Variants in NOTCH2 observed in about 807,000 individuals in gnomAD.
NOTCH2 encodes neurogenic locus notch homolog protein 2.
Under a neutral mutation model 235.8 loss-of-function variants are expected in NOTCH2, and 29 were observed. That is an observed-to-expected ratio of 0.12 (90% CI 0.09 to 0.17). NOTCH2 has a LOEUF of 0.17. Among genes scored for constraint, NOTCH2 ranks in the 10% least tolerant of loss-of-function variants. The pLI is 1.00. For synonymous variants in NOTCH2, 1,086 were observed against 1,141.5 expected, an observed-to-expected ratio of 0.95 and a Z score of 0.98; for missense variants, 2,285 against 3,150.2, an observed-to-expected ratio of 0.73 and a Z score of 6.57.
rs191279132 is a variant in NOTCH2 at position 119,951,307 on chromosome 1, T to G, written c.2366-470A>C. Among the ~76,000 whole-genome samples the G allele has an allele frequency of 1.6e-4, 24 of 152,176 alleles. No homozygotes were observed. In the East Asian group the frequency reaches 4.4e-3, roughly 28 times the overall value. ...CTAGAACCACAGGTGCATGCCATCATGCCCACTTGATTTTTTAAATTTCTT... is the reference window on the plus strand; with the variant it reads ...CTAGAACCACAGGTGCATGCCATCAGGCCCACTTGATTTTTTAAATTTCTT... On this transcript the variant is annotated intron_variant, in intron 14 of 33. Transcript: ENST00000256646.
chr1:119,959,308 A>C lies in NOTCH2; in HGVS notation c.2026+84T>G, dbSNP rs587752456. The C allele has an allele frequency of 8.2e-5, 67 of 813,888 alleles. No individual in the cohort carries two copies. In the African/African-American group the frequency reaches 1.0e-3, roughly 12 times the overall value. The allele number at this position is 813,888 out of a possible 1,614,324, so 50.4% of individuals were successfully genotyped here. A position where few individuals can be genotyped will look rare whatever the true frequency, so the allele number is the denominator to read the frequency against. The stretch of plus-strand genomic sequence containing the variant: ...CCAGAGTGACAAAGAAATAGGAAAC[A>C]CTTGAAAAGCAATATTCCTTTGGAT... On this transcript the variant is annotated intron_variant, in intron 12 of 33. Transcript: ENST00000256646.
chr1:119,967,504 T>C lies in NOTCH2; in HGVS notation c.1382A>G (p.His461Arg). Residue 461 changes from histidine to arginine, a missense_variant, in exon 8 of 34, where the codon CAT becomes CGT. Transcript: ENST00000256646. ...AGCATCATTCTGGCAGGGGTCTGAA[T>C]GGCACTCATTGATGTCCATCTCACA... ...PRCEMDINECHSDPCQNDATC... is the reference protein window; with the variant it reads ...PRCEMDINECRSDPCQNDATC... 6.2e-7 allele frequency: 1 copy of C among 1,614,148 alleles called. No homozygotes were observed. Among genetic ancestry groups the C allele is most frequent in the Non-Finnish European group, 8.5e-7 (1 of 1,179,980 alleles).
intron 2 of NOTCH2, among the ~76,000 whole-genome samples, chr1:120,027,755 C>T (rs1260844636): frequency 2.6e-5 from 4 of 151,026 alleles, no homozygotes; most frequent in Non-Finnish European, 5.9e-5. Context: ...TGTTAGTTTG[C>T]TGAGAATGAT....
intron 12 of NOTCH2, 27 bp downstream of exon 12, chr1:119,959,364 AG>A (rs1553198743): frequency 2.6e-6 from 3 of 1,160,060 alleles, no homozygotes; most frequent in Non-Finnish European, 3.9e-6. Context: ...GGGCTGAAGG[AG>A]GGGCCTTGCA....
At position 119,915,339 on chromosome 1, in the gene NOTCH2, C is replaced by T. The variant is rs1418422817; in HGVS notation, c.7383G>A (p.Glu2461=). Residue 2461 remains glutamate (E), a synonymous_variant, in exon 34 of 34, where the codon GAG becomes GAA. Transcript: ENST00000256646. The part of the protein sequence containing the change: ...GQRGPGTHMS[E]PPHNNMQVYA ...AAACCTGCATGTTGTTGTGTGGTGG[C>T]TCAGACATGTGTGTCCCAGGTCCCC... 2 of 1,613,880 alleles carry T rather than the reference C, an allele frequency of 1.2e-6. No homozygotes were observed. Among genetic ancestry groups the T allele is most frequent in the Non-Finnish European group, 1.7e-6 (2 of 1,180,042 alleles).
chr1:119,988,094 A>G (rs1401911867), intron 4 of NOTCH2, among the ~76,000 whole-genome samples: 1 of 152,048 alleles, frequency 6.6e-6, no homozygotes, highest in Admixed American at 6.6e-5. Flanking sequence ...CCTCTCTCTC[A>G]CTCAAAATAC....
Position 119,996,339 on chromosome 1 carries a change from C to T in NOTCH2, c.751+658G>A, listed in dbSNP as rs1181778422. 9 of 371,670 alleles carry T rather than the reference C, an allele frequency of 2.4e-5. No homozygotes were observed. In the East Asian group the frequency reaches 5.3e-4, roughly 22 times the overall value. 23.0% of individuals were successfully genotyped at this position (371,670 alleles called of 1,614,324 possible). A position where few individuals can be genotyped will look rare whatever the true frequency, so the allele number is the denominator to read the frequency against. ...GTGAAGAGTGTAACAAAGTATTGTG[C>T]CACGCATAGTCTCTCATATATCATC... On this transcript the variant is annotated intron_variant, in intron 4 of 33. Transcript: ENST00000256646.
At position 119,940,572 on chromosome 1, in the gene NOTCH2, T is replaced by C. The variant is rs1650029261; in HGVS notation, c.3166A>G (p.Thr1056Ala). The C allele has an allele frequency of 6.2e-7, 1 of 1,613,824 alleles. No individual in the cohort carries two copies. The highest frequency in any genetic ancestry group is 8.5e-7 in the Non-Finnish European group (1 of 1,179,862). ...TCAATTACCTGACAGTTTTTCCCAG[T>C]GTAGCCCAGGGGGCAGCTGCAGCGG... ...TYRCSCPLGY[T>A]GKNCQTLVNL... is the part of the protein sequence containing the mutation. Residue 1056 changes from threonine to alanine, a missense_variant, in exon 19 of 34, where the codon ACT becomes GCT. Thr to Ala is a moderately conservative substitution (Grantham distance 58, BLOSUM62 0). Around this residue, in one of 6 missense-constraint regions of NOTCH2, gnomAD observed 1,173 missense variants for 1,515.3 expected, o/e 0.77. Transcript: ENST00000256646.
chr1:119,996,298 T>C (rs1461210603), intron 4 of NOTCH2: 2 of 293,794 alleles, frequency 6.8e-6, no homozygotes, highest in Non-Finnish European at 1.3e-5. Flanking sequence ...GTGTGCACTC[T>C]AGAACACTTG....
chr1:119,957,882 AC>A lies in NOTCH2; in HGVS notation c.2026+1509del, dbSNP rs1303023564. Among the ~76,000 whole-genome samples, 427 of 144,684 alleles carry A rather than the reference AC, an allele frequency of 3.0e-3. 2 individuals are homozygous for A. Among genetic ancestry groups the A allele is most frequent in the African/African-American group, 8.4e-3 (322 of 38,264 alleles). The allele number at this position is 144,684 out of a possible 152,430, so 94.9% of individuals were successfully genotyped here. A position where few individuals can be genotyped will look rare whatever the true frequency, so the allele number is the denominator to read the frequency against. On this transcript the variant is annotated intron_variant, in intron 12 of 33. Coordinates refer to ENST00000256646, the MANE Select transcript of NOTCH2 (RefSeq NM_024408.4). The stretch of plus-strand genomic sequence containing the variant: ...CACACACACACACACACACACACAC[AC>A]AACAGGCCCCTAATCAGGATGTCCA...
chr1:119,977,020 T>G (rs1279079129), intron 5 of NOTCH2, among the ~76,000 whole-genome samples: 4 of 152,084 alleles, frequency 2.6e-5, no homozygotes, highest in Non-Finnish European at 4.4e-5. Context: ...AGTTCAAAAT[T>G]TTATGGAGAA....
At chr1:120,041,064 A>AG in intron 1 of NOTCH2, among the ~76,000 whole-genome samples, 1 of 113,890 alleles carries the variant, frequency 8.8e-6, no homozygotes, top group African/African-American at 6.3e-5. Context: ...AAAAAAAAAA[A>AG]AAAAAAAATA....
chr1:119,922,191 C>T (rs752055902), intron 28 of NOTCH2, 45 bp downstream of exon 28: 65 of 1,570,698 alleles, frequency 4.1e-5, no homozygotes, highest in Non-Finnish European at 5.6e-5. Flanking sequence ...TTCTAGTCAT[C>T]CCTACTTATA....
At chr1:119,962,240 C>G (rs1478848692) in intron 11 of NOTCH2, among the ~76,000 whole-genome samples, 1 of 152,170 alleles carries the variant, frequency 6.6e-6, no homozygotes, top group East Asian at 1.9e-4. Flanking sequence ...CTTGCCAACC[C>G]ACCACTCACC....
chr1:119,921,945 G>A (rs1226554085), intron 28 of NOTCH2, 136 bp from the exon 29 acceptor site: 4 of 795,574 alleles, frequency 5.0e-6, no homozygotes, highest in Non-Finnish European at 6.3e-6. Context: ...AAGATGGGCA[G>A]TATTTTTGGT....
chr1:119,969,636 T>C lies in NOTCH2; in HGVS notation c.983A>G (p.Asn328Ser), dbSNP rs2101148388. The C allele has an allele frequency of 6.2e-7, 1 of 1,614,104 alleles. No homozygotes were observed. The part of the protein sequence containing the change: ...RNGGYGCVCV[N>S]GWSGDDCSEN... Reference sequence around the variant, plus strand: ...ACTGCAGTCATCTCCACTCCAGCCGTTGACACATACACAGCCATAGCCTCC... The same window carrying C: ...ACTGCAGTCATCTCCACTCCAGCCGCTGACACATACACAGCCATAGCCTCC... Residue 328 changes from asparagine to serine, a missense_variant, in exon 6 of 34, where the codon AAC becomes AGC. Transcript: ENST00000256646.
Position 119,969,644 on chromosome 1 carries a change from T to C in NOTCH2, c.975A>G (p.Val325=), listed in dbSNP as rs886044854. 5 of 1,613,974 alleles carry C rather than the reference T, an allele frequency of 3.1e-6. No homozygotes were observed. The African/African-American group carries it at 6.7e-5, about 22-fold the overall frequency. ...CATCTCCACTCCAGCCGTTGACACA[T>C]ACACAGCCATAGCCTCCATTGCGGT... is the stretch of plus-strand genomic sequence containing the variant. ...CANRNGGYGC[V]CVNGWSGDDC... The change falls in exon 6 of 34, where the codon GTA becomes GTG. Residue 325 remains valine, a synonymous_variant. Transcript: ENST00000256646.
In NOTCH2 at chr1:119,948,532, G is replaced by A. The variant is rs2101114639; in HGVS notation, c.2634C>T (p.Ile878=). The change falls in exon 17 of 34, where the codon ATC becomes ATT. Residue 878 remains isoleucine, a synonymous_variant. Transcript: ENST00000256646. ...GACCATGGTTCATGCAGGGCTTGGAGATACACTCGTCAATGTCAATGGTAC... is the reference window on the plus strand; with the variant it reads ...GACCATGGTTCATGCAGGGCTTGGAAATACACTCGTCAATGTCAATGGTAC... The part of the protein sequence containing the change: ...QRCTIDIDEC[I]SKPCMNHGLC... 6.2e-7 allele frequency: 1 copy of A among 1,614,194 alleles called. No homozygotes were observed.
chr1:119,947,235 AGCT>A (rs1650291864), intron 17 of NOTCH2, among the ~76,000 whole-genome samples: 1 of 152,208 alleles, frequency 6.6e-6, no homozygotes, highest in African/African-American at 2.4e-5. Flanking sequence ...TCAAAAGAGA[AGCT>A]ATAAATTGGA....
Sources: allele counts gnomAD v4.1 joint callset (sites outside exome capture counted in the v4.1 genomes callset), GRCh38; gene constraint gnomAD v4.1.1; regional missense constraint gnomAD v4.1.1; transcripts MANE v1.5; gene names NCBI Gene and HGNC (gene_info 2026-07-23, HGNC 2026-07-21).